The following KLHL29 variants were observed in gnomAD, a reference collection of about 807,000 sequenced individuals.
KLHL29 encodes kelch-like protein 29.
A neutral mutation model predicts 80.4 loss-of-function variants in KLHL29; 21 were observed. The observed-to-expected ratio is 0.26, with a 90% CI of 0.19 to 0.38. KLHL29 has a LOEUF of 0.38. KLHL29 is among the 10% of genes least tolerant of loss of function. The pLI is 1.00. For missense variants in KLHL29, 867 were observed against 1,223.9 expected (o/e 0.71, Z 4.35); for synonymous variants, 511 against 526.8 (o/e 0.97, Z 0.41).
chr2:23,553,217 G>A (rs144200192), intron 2 of KLHL29, among the ~76,000 whole-genome samples: 15 of 152,368 alleles, frequency 9.8e-5, no homozygotes, highest in African/African-American at 3.6e-4. Context: ...ACCTGGTTAG[G>A]TGGTCTGCAC....
intron 3 of KLHL29, among the ~76,000 whole-genome samples, chr2:23,627,193 G>T (rs1669337528): frequency 6.6e-6 from 1 of 152,166 alleles, no homozygotes; most frequent in Non-Finnish European, 1.5e-5. Flanking sequence ...ACGGCATCTG[G>T]CTGCCCCCAA....
intron 3 of KLHL29, among the ~76,000 whole-genome samples, chr2:23,566,379 G>T (rs1172419940): frequency 2.0e-5 from 3 of 152,234 alleles, no homozygotes; most frequent in Admixed American, 6.5e-5. Context: ...AATGTGGCCT[G>T]CCAAGGTCAC....
intron 1 of KLHL29, among the ~76,000 whole-genome samples, chr2:23,403,339 T>G (rs902542519): frequency 2.6e-5 from 4 of 152,104 alleles, no homozygotes; most frequent in African/African-American, 9.7e-5. Context: ...AAACTACCAG[T>G]TTTTAAAATG....
chr2:23,403,722 A>C (rs1272907287), intron 1 of KLHL29, among the ~76,000 whole-genome samples: 1 of 141,004 alleles, frequency 7.1e-6, no homozygotes, highest in Non-Finnish European at 1.5e-5. Context: ...AGAGAGAGAG[A>C]GAGAGTGTGT....
chr2:23,393,929 C>T (rs1468114616), intron 1 of KLHL29, among the ~76,000 whole-genome samples: 1 of 152,166 alleles, frequency 6.6e-6, no homozygotes, highest in African/African-American at 2.4e-5. Flanking sequence ...TTGTCTCTAC[C>T]CTAGAAGTAA....
chr2:23,421,332 G>A (rs1216768507), intron 1 of KLHL29, among the ~76,000 whole-genome samples: 1 of 152,204 alleles, frequency 6.6e-6, no homozygotes, highest in African/African-American at 2.4e-5. Flanking sequence ...CATGGTCAGG[G>A]CAGAGCCGGA....
At chr2:23,426,972 G>A (rs944358646) in intron 1 of KLHL29, among the ~76,000 whole-genome samples, 2 of 152,344 alleles carry the variant, frequency 1.3e-5, no homozygotes, top group Middle Eastern at 3.4e-3. Flanking sequence ...AACCAGAAAA[G>A]TGATAGCACT....
intron 2 of KLHL29, among the ~76,000 whole-genome samples, chr2:23,479,898 A>G (rs1422514191): frequency 6.6e-6 from 1 of 152,032 alleles, no homozygotes; most frequent in Non-Finnish European, 1.5e-5. Flanking sequence ...ATCTCTTGGG[A>G]TTAGATTATT....
At chr2:23,634,677 AT>A (rs1669562326) in intron 3 of KLHL29, among the ~76,000 whole-genome samples, 1 of 152,054 alleles carries the variant, frequency 6.6e-6, no homozygotes, top group Non-Finnish European at 1.5e-5. Flanking sequence ...TGGTCAGTGG[AT>A]TGGGCCATCC....
intron 1 of KLHL29, among the ~76,000 whole-genome samples, chr2:23,465,939 C>A (rs1334175013): frequency 6.6e-6 from 1 of 151,964 alleles, no homozygotes; most frequent in Non-Finnish European, 1.5e-5. Context: ...GGGGCAGGTG[C>A]CAATCCCGCC....
intron 3 of KLHL29, among the ~76,000 whole-genome samples, chr2:23,592,893 C>T (rs1169189733): frequency 1.3e-5 from 2 of 152,160 alleles, no homozygotes; most frequent in Admixed American, 1.3e-4. Flanking sequence ...TACACTTGAC[C>T]CAAAAGCCTC....
Position 23,575,658 on chromosome 2 carries a change from G to A in KLHL29, c.285+13177G>A, listed in dbSNP as rs550134760. ...ACAGAACCCCAGAACTGGGTTCACG[G>A]CCTTTTTATGATGCTGCTGGCAATG... On this transcript the variant is annotated intron_variant, in intron 3 of 13. Transcript: ENST00000486442. Among the ~76,000 whole-genome samples, 24 of 152,350 alleles carry A rather than the reference G, an allele frequency of 1.6e-4. No homozygotes were observed. The South Asian group carries it at 5.0e-3, about 32-fold the overall frequency.
intron 1 of KLHL29, among the ~76,000 whole-genome samples, chr2:23,446,714 C>T (rs976109848): frequency 6.6e-6 from 1 of 152,230 alleles, no homozygotes; most frequent in Admixed American, 6.5e-5. Flanking sequence ...ATCATTCTCT[C>T]ACGCCTGATT....
In KLHL29 at chr2:23,708,516, A is replaced by G. The variant is rs1172261769; in HGVS notation, c.*1852A>G. 3 of 152,246 alleles carry G rather than the reference A, an allele frequency of 2.0e-5. No homozygotes were observed. Among genetic ancestry groups the G allele is most frequent in the Admixed American group, 1.3e-4 (2 of 15,286 alleles). The allele number at this position is 152,246 out of a possible 1,614,324, so 9.4% of individuals were successfully genotyped here. A position where few individuals can be genotyped will look rare whatever the true frequency, so the allele number is the denominator to read the frequency against. On this transcript the variant is annotated 3_prime_UTR_variant, in exon 14 of 14. Transcript: ENST00000486442. ...AACTGGCTATTTCTGTGAATGATAT[A>G]AAACAGGGTTCTCTGTAATGGTATT...
At chr2:23,698,831 G>GCAAT (rs1572526425) in intron 11 of KLHL29, among the ~76,000 whole-genome samples, 3 of 152,280 alleles carry the variant, frequency 2.0e-5, no homozygotes, top group East Asian at 3.9e-4. Context: ...TCATGGCTTG[G>GCAAT]CAATCAGCCA....
At chr2:23,489,880 G>T (rs558066095) in intron 2 of KLHL29, among the ~76,000 whole-genome samples, 3 of 152,166 alleles carry the variant, frequency 2.0e-5, no homozygotes, top group Non-Finnish European at 4.4e-5. Context: ...GGAGGTGGCT[G>T]GGGAAAGAGG....
intron 1 of KLHL29, among the ~76,000 whole-genome samples, chr2:23,389,702 G>C (rs146421666): frequency 1.3e-5 from 2 of 152,004 alleles, no homozygotes; most frequent in Non-Finnish European, 2.9e-5. Context: ...AAAAAAAAGG[G>C]GGGGGCGGAA....
chr2:23,437,867 G>A (rs1026138604), intron 1 of KLHL29, among the ~76,000 whole-genome samples: 1 of 152,200 alleles, frequency 6.6e-6, no homozygotes, highest in African/African-American at 2.4e-5. Context: ...GTAGTTTGAT[G>A]GGGATGGCAT....
chr2:23,421,526 G>T (rs1242400686), intron 1 of KLHL29, among the ~76,000 whole-genome samples: 2 of 15,292 alleles, frequency 1.3e-4, no homozygotes, highest in Non-Finnish European at 2.1e-4. Context: ...AGACAAGATT[G>T]TGTGTGTGTG....
Sources: allele counts gnomAD v4.1 joint callset (sites outside exome capture counted in the v4.1 genomes callset), GRCh38; gene constraint gnomAD v4.1.1; transcripts MANE v1.5; gene names NCBI Gene and HGNC (gene_info 2026-07-23, HGNC 2026-07-21).